The following SPATS2 variants were observed in gnomAD, a reference collection of about 807,000 sequenced individuals.
The protein encoded by SPATS2 is spermatogenesis associated serine rich 2.
A neutral mutation model predicts 63.7 loss-of-function variants in SPATS2; 38 were observed. The ratio of observed to expected loss-of-function variants is 0.60; its 90% CI spans 0.46 to 0.78. The LOEUF (loss-of-function observed/expected upper bound fraction) is 0.78, where lower values mean the gene tolerates loss of function less well. Among genes scored for constraint, SPATS2 ranks in the 30% least tolerant of loss-of-function variants. The pLI, the probability that SPATS2 is intolerant of heterozygous loss-of-function variation, is 0.00. For missense variants in SPATS2, 588 were observed against 666.2 expected (o/e 0.88, Z 1.29); for synonymous variants, 207 against 232.9 (o/e 0.89, Z 1.01).
intron 2 of SPATS2, among the ~76,000 whole-genome samples, chr12:49,406,127 G>T (rs1944691427): frequency 1.3e-5 from 2 of 152,064 alleles, no homozygotes; most frequent in African/African-American, 4.8e-5. Context: ...AGCTAGTCAT[G>T]GTGGTGCATG....
chr12:49,522,506 T>A (rs1243086351), intron 11 of SPATS2, among the ~76,000 whole-genome samples: 7 of 152,246 alleles, frequency 4.6e-5, no homozygotes, highest in African/African-American at 1.7e-4. Flanking sequence ...GTAGTTTCTC[T>A]TGATTATATC....
chr12:49,472,291 A>C (rs1339769788), intron 3 of SPATS2, among the ~76,000 whole-genome samples: 1 of 152,104 alleles, frequency 6.6e-6, no homozygotes, highest in African/African-American at 2.4e-5. Context: ...CCCACCTCCA[A>C]TGGGTTTATT....
At chr12:49,499,175 TTTTTTCTCTTACTTATAGGTCATA>T (rs1946519456) in intron 8 of SPATS2, among the ~76,000 whole-genome samples, 1 of 151,630 alleles carries the variant, frequency 6.6e-6, no homozygotes, top group African/African-American at 2.4e-5. Flanking sequence ...CTGTGATTGA[TTTTTTCTCTTACTTATAGGTCATA>T]TTTTTCTGTT....
At chr12:49,522,951 T>C in intron 12 of SPATS2, 98 bp downstream of exon 12, 1 of 958,708 alleles carries the variant, frequency 1.0e-6, no homozygotes, top group Non-Finnish European at 1.6e-6. Flanking sequence ...TTAGTGCCTC[T>C]TGTTTGCTTG....
chr12:49,456,587 ATAGCAG>A (rs1371944941), intron 2 of SPATS2, among the ~76,000 whole-genome samples: 2 of 152,242 alleles, frequency 1.3e-5, no homozygotes, highest in African/African-American at 4.8e-5. Context: ...CCATAGTGAA[ATAGCAG>A]CGAGAGTGGC....
At chr12:49,436,781 G>A (rs1347069686) in intron 2 of SPATS2, among the ~76,000 whole-genome samples, 1 of 143,362 alleles carries the variant, frequency 7.0e-6, no homozygotes, top group Non-Finnish European at 1.5e-5. Context: ...CCGGGCAGAG[G>A]GGCTCCTCAC....
chr12:49,437,302 A>G (rs1945328782), intron 2 of SPATS2, among the ~76,000 whole-genome samples: 1 of 150,208 alleles, frequency 6.7e-6, no homozygotes, highest in Admixed American at 6.6e-5. Context: ...CTCACTTCCT[A>G]GATGGGATGG....
chr12:49,462,255 C>T (rs1158375312), intron 3 of SPATS2: 1 of 701,748 alleles, frequency 1.4e-6, no homozygotes, highest in African/African-American at 1.7e-5. Flanking sequence ...ACTCAGCCTG[C>T]CTCTCTCAAC....
intron 3 of SPATS2, among the ~76,000 whole-genome samples, chr12:49,464,688 T>C (rs1945880774): frequency 6.7e-6 from 1 of 150,356 alleles, no homozygotes; most frequent in African/African-American, 2.4e-5. Flanking sequence ...TAGCCAATTA[T>C]ACTGACACAT....
At position 49,441,562 on chromosome 12, in the gene SPATS2, G is replaced by A. The variant is rs934150158; in HGVS notation, c.-243-19208G>A. 2.0e-5 allele frequency among the ~76,000 whole-genome samples: 3 copies of A among 152,074 alleles called. No individual in the cohort carries two copies. The South Asian group carries it at 6.2e-4, about 32-fold the overall frequency. On this transcript the variant is annotated intron_variant, in intron 2 of 13. Coordinates refer to ENST00000552918, the MANE Select transcript of SPATS2 (RefSeq NM_023071.4). ...TCTGACTTTCTTTCACAACTCTAGTGAATCTCTTTACCAATTTCCTTTCAA... is the reference window on the plus strand; with the variant it reads ...TCTGACTTTCTTTCACAACTCTAGTAAATCTCTTTACCAATTTCCTTTCAA...
At chr12:49,440,366 C>T (rs1275889292) in intron 2 of SPATS2, among the ~76,000 whole-genome samples, 1 of 152,132 alleles carries the variant, frequency 6.6e-6, no homozygotes, top group Non-Finnish European at 1.5e-5. Context: ...CTCTTTTCTC[C>T]CGCTCTTAAG....
At chr12:49,390,430 G>C (rs1944399331) in intron 2 of SPATS2, among the ~76,000 whole-genome samples, 1 of 152,202 alleles carries the variant, frequency 6.6e-6, no homozygotes, top group South Asian at 2.1e-4. Flanking sequence ...TTTTGGCAGT[G>C]CTGCTGGCTT....
At chr12:49,497,250 C>G (rs928276377) in intron 8 of SPATS2, among the ~76,000 whole-genome samples, 1 of 152,212 alleles carries the variant, frequency 6.6e-6, no homozygotes, top group Non-Finnish European at 1.5e-5. Context: ...GAATTAAAGT[C>G]AAACTCTACT....
At chr12:49,490,613 G>A (rs1353464643) in intron 5 of SPATS2, 69 bp from the exon 6 acceptor site, 2 of 1,403,300 alleles carry the variant, frequency 1.4e-6, no homozygotes, top group Non-Finnish European at 2.0e-6. Flanking sequence ...AAAATGGGAG[G>A]ACACTGACTC....
intron 2 of SPATS2, among the ~76,000 whole-genome samples, chr12:49,444,925 A>G (rs1945485553): frequency 6.6e-6 from 1 of 152,056 alleles, no homozygotes; most frequent in Non-Finnish European, 1.5e-5. Flanking sequence ...CTTTTTGTAT[A>G]TTGGTTTAAT....
At chr12:49,468,350 G>T (rs1330776197) in intron 3 of SPATS2, among the ~76,000 whole-genome samples, 2 of 151,694 alleles carry the variant, frequency 1.3e-5, no homozygotes, top group Non-Finnish European at 2.9e-5. Context: ...AGTAGAGACG[G>T]GGTTTCACCA....
chr12:49,467,044 GTTTTT>G (rs59350335), intron 3 of SPATS2, among the ~76,000 whole-genome samples: 2 of 75,776 alleles, frequency 2.6e-5, no homozygotes, highest in African/African-American at 5.1e-5. Flanking sequence ...TTTGTTCTTT[GTTTTT>G]TTTTTTTTTT....
chr12:49,378,035 C>T (rs913924929), intron 2 of SPATS2, among the ~76,000 whole-genome samples: 9 of 152,126 alleles, frequency 5.9e-5, no homozygotes, highest in East Asian at 1.9e-4. Context: ...CACAATGGCA[C>T]GATCTTGGCT....
intron 2 of SPATS2, chr12:49,441,635 C>T (rs908784159): frequency 5.3e-5 from 8 of 152,224 alleles, no homozygotes; most frequent in Admixed American, 3.3e-4. Context: ...ATTGGTTGTA[C>T]TGAAGATCAG....
Sources: gnomAD v4.1 joint callset for allele counts (sites outside exome capture counted in the v4.1 genomes callset) on GRCh38, gnomAD v4.1.1 for gene constraint, MANE v1.5 for transcripts, NCBI Gene and HGNC (gene_info 2026-07-23, HGNC 2026-07-21) for gene names.